TAFA5: variants seen among roughly 807,000 people sequenced by gnomAD.
TAFA5 encodes TAFA chemokine like family member 5, also known as chemokine-like protein TAFA-5.
TAFA5 carries 6 observed loss-of-function variants against 15.3 expected under a neutral mutation model. The observed-to-expected ratio is 0.39, with a 90% CI of 0.21 to 0.77. The LOEUF is 0.77. TAFA5 is among the 30% of genes least tolerant of loss of function. The pLI, the probability that TAFA5 is intolerant of heterozygous loss-of-function variation, is 0.41. For synonymous variants in TAFA5, 103 were observed against 80.7 expected, an observed-to-expected ratio of 1.28 and a Z score of -1.48; for missense variants, 161 against 193.1, an observed-to-expected ratio of 0.83 and a Z score of 0.98.
At chr22:48,672,721 A>T (rs944006586) in intron 2 of TAFA5, among the ~76,000 whole-genome samples, 7 of 152,176 alleles carry the variant, frequency 4.6e-5, no homozygotes, top group Non-Finnish European at 8.8e-5. Flanking sequence ...ATTGCATGAC[A>T]TCTAGGTATG....
intron 1 of TAFA5, among the ~76,000 whole-genome samples, chr22:48,504,902 T>C (rs1179883781): frequency 6.6e-6 from 1 of 152,102 alleles, no homozygotes; most frequent in African/African-American, 2.4e-5. Context: ...CTCAGGGACC[T>C]GCCACACACC....
At chr22:48,618,803 T>C (rs1247373774) in intron 1 of TAFA5, among the ~76,000 whole-genome samples, 1 of 152,102 alleles carries the variant, frequency 6.6e-6, no homozygotes, top group African/African-American at 2.4e-5. Flanking sequence ...CCTCTGAGGC[T>C]CTCCTTTCTT....
At chr22:48,571,276 T>C (rs1337810094) in intron 1 of TAFA5, among the ~76,000 whole-genome samples, 2 of 142,070 alleles carry the variant, frequency 1.4e-5, no homozygotes, top group Non-Finnish European at 3.1e-5. Flanking sequence ...GTTTGCTTTT[T>C]TTTTTTTTTT....
In TAFA5 at chr22:48,734,310, C is replaced by T. The variant is rs537591147; in HGVS notation, c.391-15529C>T. On this transcript the variant is annotated intron_variant, in intron 3 of 3. Coordinates refer to ENST00000402357, the MANE Select transcript of TAFA5 (RefSeq NM_001082967.3). ...ACATGGGGAGTGGAGGGCGAAATAT[C>T]GTGAGGCCAGCTGTTCTTTCAAAAG... is the stretch of plus-strand genomic sequence containing the variant. Among the ~76,000 whole-genome samples the T allele has an allele frequency of 8.3e-4, 126 of 152,292 alleles. 1 individual carries two copies. Among genetic ancestry groups the T allele is most frequent in the African/African-American group, 2.9e-3 (120 of 41,564 alleles).
At chr22:48,670,052 T>C (rs1278844044) in intron 2 of TAFA5, among the ~76,000 whole-genome samples, 1 of 152,162 alleles carries the variant, frequency 6.6e-6, no homozygotes, top group East Asian at 1.9e-4. Context: ...GAATCCCTCC[T>C]GCGGAAAGAG....
chr22:48,624,509 A>G (rs1925959700), intron 1 of TAFA5, among the ~76,000 whole-genome samples: 1 of 152,202 alleles, frequency 6.6e-6, no homozygotes, highest in African/African-American at 2.4e-5. Context: ...TAATCGGTTC[A>G]GTCACTCTCA....
chr22:48,520,550 T>C (rs1921568337), intron 1 of TAFA5, among the ~76,000 whole-genome samples: 1 of 152,142 alleles, frequency 6.6e-6, no homozygotes, highest in South Asian at 2.1e-4. Context: ...AGCAGTGCCT[T>C]TGTTGGGGAT....
intron 2 of TAFA5, among the ~76,000 whole-genome samples, chr22:48,691,506 T>A (rs1325633034): frequency 6.6e-6 from 1 of 152,196 alleles, no homozygotes; most frequent in Non-Finnish European, 1.5e-5. Flanking sequence ...GGTTCGCCTG[T>A]GTGCTGAGCA....
chr22:48,732,413 C>T lies in TAFA5; in HGVS notation c.391-17426C>T, dbSNP rs530516176. Among the ~76,000 whole-genome samples, 66 of 152,202 alleles carry T rather than the reference C, an allele frequency of 4.3e-4. 1 individual carries two copies. In the South Asian group the frequency reaches 7.9e-3, roughly 18 times the overall value. On this transcript the variant is annotated intron_variant, in intron 3 of 3. Coordinates refer to ENST00000402357, the MANE Select transcript of TAFA5 (RefSeq NM_001082967.3). Reference sequence around the variant, plus strand: ...GTGGGTCTACAGGCGCCCGCCACCACGCCCAGCTAATTTTTTGTATTTTTA... The same window carrying T: ...GTGGGTCTACAGGCGCCCGCCACCATGCCCAGCTAATTTTTTGTATTTTTA...
chr22:48,681,050 T>C (rs1166322699), intron 2 of TAFA5, among the ~76,000 whole-genome samples: 2 of 152,236 alleles, frequency 1.3e-5, no homozygotes, highest in Non-Finnish European at 2.9e-5. Context: ...TCCGGGGCCC[T>C]ACCTGTCAGA....
chr22:48,597,109 T>A (rs957950418), intron 1 of TAFA5, among the ~76,000 whole-genome samples: 5 of 152,170 alleles, frequency 3.3e-5, no homozygotes, highest in African/African-American at 1.2e-4. Context: ...AGCCGGCCAG[T>A]TTTTTAAAGA....
Position 48,623,163 on chromosome 22 carries a change from G to A in TAFA5, c.113-23434G>A, listed in dbSNP as rs17823388. ...CGACCTTGCAGGATGCCCTGACGGCGGTGGGATGGATGAGCATGGTTTCGC... is the reference window on the plus strand; with the variant it reads ...CGACCTTGCAGGATGCCCTGACGGCAGTGGGATGGATGAGCATGGTTTCGC... On this transcript the variant is annotated intron_variant, in intron 1 of 3. Coordinates refer to ENST00000402357, the MANE Select transcript of TAFA5 (RefSeq NM_001082967.3). 1.9e-3 allele frequency among the ~76,000 whole-genome samples: 294 copies of A among 152,340 alleles called. 11 individuals are homozygous for A. The East Asian group carries it at 0.045, about 23-fold the overall frequency.
chr22:48,634,389 G>A (rs576127434), intron 1 of TAFA5, among the ~76,000 whole-genome samples: 17 of 151,362 alleles, frequency 1.1e-4, no homozygotes, highest in Non-Finnish European at 2.5e-4. Flanking sequence ...ATTCAGTCAC[G>A]CACTCATTTA....
At chr22:48,573,544 C>T (rs1923657973) in intron 1 of TAFA5, among the ~76,000 whole-genome samples, 1 of 152,200 alleles carries the variant, frequency 6.6e-6, no homozygotes, top group Non-Finnish European at 1.5e-5. Context: ...GGAAGCCCTA[C>T]ACGAGGTTCT....
At chr22:48,671,171 C>G (rs559786339) in intron 2 of TAFA5, among the ~76,000 whole-genome samples, 1 of 152,308 alleles carries the variant, frequency 6.6e-6, no homozygotes, top group South Asian at 2.1e-4. Flanking sequence ...TCCTTAGCTT[C>G]CGGCTGAGTT....
intron 1 of TAFA5, among the ~76,000 whole-genome samples, chr22:48,512,144 G>T (rs1422025316): frequency 6.6e-6 from 1 of 152,166 alleles, no homozygotes; most frequent in Admixed American, 6.5e-5. Flanking sequence ...CCCCTGTGGT[G>T]GACCAGGCTG....
chr22:48,744,185 C>T (rs1930261671), intron 3 of TAFA5, among the ~76,000 whole-genome samples: 1 of 152,130 alleles, frequency 6.6e-6, no homozygotes. Flanking sequence ...ACGATGCTGG[C>T]TCCATGATGG....
intron 2 of TAFA5, among the ~76,000 whole-genome samples, chr22:48,692,624 A>G (rs915024135): frequency 6.6e-6 from 1 of 152,210 alleles, no homozygotes; most frequent in African/African-American, 2.4e-5. Context: ...GGTTAAGGAT[A>G]TGAAATGAAT....
Position 48,490,892 on chromosome 22 carries a change from G to A in TAFA5, c.112+1188G>A, listed in dbSNP as rs6008734. Among the ~76,000 whole-genome samples the A allele has an allele frequency of 0.034, 5,208 of 151,836 alleles. 297 individuals carry two copies. The highest frequency in any genetic ancestry group is 0.12 in the African/African-American group (4,854 of 41,360). On this transcript the variant is annotated intron_variant, in intron 1 of 3. Coordinates refer to ENST00000402357, the MANE Select transcript of TAFA5 (RefSeq NM_001082967.3). This position sits in a 1 kb window ranked among gnomAD's most constrained non-coding sequence, Gnocchi z 5.8. ...CTGATCCTTCCGCTGTCGCCAAAAT[G>A]AGAGCACAGTGGCCCAGGGAGACCC...
Sources: allele counts gnomAD v4.1 joint callset (sites outside exome capture counted in the v4.1 genomes callset), GRCh38; gene constraint gnomAD v4.1.1; non-coding constraint Gnocchi (gnomAD v3.1); transcripts MANE v1.5; gene names NCBI Gene and HGNC (gene_info 2026-07-23, HGNC 2026-07-21).